Variants in PPP1R9A observed in about 807,000 individuals in gnomAD.
The protein encoded by PPP1R9A is neurabin-1.
A neutral mutation model predicts 141.9 loss-of-function variants in PPP1R9A; 59 were observed. The ratio of observed to expected loss-of-function variants is 0.42; its 90% CI spans 0.34 to 0.52. PPP1R9A has a LOEUF of 0.52. Among genes scored for constraint, PPP1R9A ranks in the 20% least tolerant of loss-of-function variants. The pLI, the probability that PPP1R9A is intolerant of heterozygous loss-of-function variation, is 0.10. For missense variants in PPP1R9A, 1,444 were observed against 1,611.9 expected, an observed-to-expected ratio of 0.90 and a Z score of 1.78; for synonymous variants, 500 against 569.7, an observed-to-expected ratio of 0.88 and a Z score of 1.74.
intron 5 of PPP1R9A, among the ~76,000 whole-genome samples, chr7:95,194,981 G>A (rs989159206): frequency 2.6e-5 from 4 of 151,950 alleles, no homozygotes; most frequent in Admixed American, 2.0e-4. Flanking sequence ...AATTTATATG[G>A]AATTGCAGAG....
chr7:94,972,764 T>A (rs1334929474), intron 2 of PPP1R9A, among the ~76,000 whole-genome samples: 1 of 152,162 alleles, frequency 6.6e-6, no homozygotes, highest in Non-Finnish European at 1.5e-5. Flanking sequence ...TGAGAGCACC[T>A]GGAACATTTT....
At chr7:95,134,279 G>A (rs962163396) in intron 4 of PPP1R9A, among the ~76,000 whole-genome samples, 1 of 152,132 alleles carries the variant, frequency 6.6e-6, no homozygotes, top group African/African-American at 2.4e-5. Flanking sequence ...GAGAATACAT[G>A]GACACAGGGA....
chr7:95,275,502 GT>G (rs1270540741), intron 16 of PPP1R9A, among the ~76,000 whole-genome samples: 1 of 152,072 alleles, frequency 6.6e-6, no homozygotes, highest in Non-Finnish European at 1.5e-5. Flanking sequence ...TTTGCCCAGG[GT>G]TATGCAGCAG....
intron 2 of PPP1R9A, among the ~76,000 whole-genome samples, chr7:95,091,153 G>C (rs1244418657): frequency 6.6e-6 from 1 of 151,528 alleles, no homozygotes; most frequent in East Asian, 1.9e-4. Context: ...AAGTAATGTT[G>C]TGATTAATGT....
Position 94,977,213 on chromosome 7 carries a change from C to T in PPP1R9A, c.1395+65705C>T, listed in dbSNP as rs539457805. Among the ~76,000 whole-genome samples the T allele has an allele frequency of 3.3e-5, 5 of 152,070 alleles. No individual in the cohort carries two copies. The East Asian group carries it at 7.7e-4, about 24-fold the overall frequency. On this transcript the variant is annotated intron_variant, in intron 2 of 19. Coordinates refer to ENST00000433360, the MANE Select transcript of PPP1R9A (RefSeq NM_001166160.2). The stretch of plus-strand genomic sequence containing the variant: ...TCGAAAGGCAGTTTAGGGGAGATGT[C>T]TGGGTTGAAGAGAAATTTGGCAGTT...
intron 5 of PPP1R9A, among the ~76,000 whole-genome samples, chr7:95,170,847 A>G (rs1052507627): frequency 1.3e-5 from 2 of 151,650 alleles, no homozygotes; most frequent in African/African-American, 4.8e-5. Flanking sequence ...TATTTAAAGG[A>G]TTATTAACTT....
At chr7:95,120,628 A>G (rs1051098842) in intron 3 of PPP1R9A, 84 bp from the exon 4 acceptor site, 1 of 1,420,050 alleles carries the variant, frequency 7.0e-7, no homozygotes. Context: ...AAAATTAGAA[A>G]CAGCAAGTAG....
intron 7 of PPP1R9A, chr7:95,214,384 T>C (rs546623610): frequency 1.4e-4 from 21 of 152,364 alleles, no homozygotes; most frequent in African/African-American, 4.8e-4. Context: ...CCTCAGGTCC[T>C]CACTGGCTGT....
intron 2 of PPP1R9A, among the ~76,000 whole-genome samples, chr7:95,049,842 G>A (rs1810543782): frequency 1.3e-5 from 2 of 152,020 alleles, no homozygotes; most frequent in South Asian, 4.1e-4. Flanking sequence ...TCTTTTCATG[G>A]CTTGATAGAT....
chr7:95,181,775 T>A (rs1217406175), intron 5 of PPP1R9A, among the ~76,000 whole-genome samples: 2 of 138,632 alleles, frequency 1.4e-5, no homozygotes, highest in East Asian at 4.1e-4. Flanking sequence ...ATATATATAT[T>A]CCGTCACATA....
At chr7:95,207,785 T>G (rs984601969) in intron 7 of PPP1R9A, among the ~76,000 whole-genome samples, 9 of 152,192 alleles carry the variant, frequency 5.9e-5, no homozygotes, top group Admixed American at 1.3e-4. Flanking sequence ...CTTTGCTGAA[T>G]ACATAATTAA....
At chr7:95,019,627 G>T (rs946868965) in intron 2 of PPP1R9A, among the ~76,000 whole-genome samples, 3 of 152,012 alleles carry the variant, frequency 2.0e-5, no homozygotes, top group Non-Finnish European at 4.4e-5. Flanking sequence ...GAAAATACAT[G>T]AATAATCGAT....
intron 2 of PPP1R9A, among the ~76,000 whole-genome samples, chr7:94,982,286 G>GGT (rs1484952679): frequency 6.6e-6 from 1 of 152,026 alleles, no homozygotes; most frequent in Non-Finnish European, 1.5e-5. Flanking sequence ...AGTAAACATA[G>GGT]GTGTGCATGT....
rs1020803166 is a variant in PPP1R9A at position 95,286,270 on chromosome 7, G to A, written c.3674G>A (p.Gly1225Glu). 57 of 1,613,662 alleles carry A rather than the reference G, an allele frequency of 3.5e-5. No individual in the cohort carries two copies. Among genetic ancestry groups the A allele is most frequent in the Non-Finnish European group, 4.7e-5 (56 of 1,179,738 alleles). Reference sequence around the variant, plus strand: ...AGTTCAGCAGACCTCAGCGGCTTAGGAGCAGAACCTAAAACACCAGGGCTC... The same window carrying A: ...AGTTCAGCAGACCTCAGCGGCTTAGAAGCAGAACCTAAAACACCAGGGCTC... ...STSSADLSGL[G>E]AEPKTPGLSQ... Residue 1225 changes from glycine (G) to glutamate (E), a missense_variant, in exon 18 of 20, where the codon GGA (glycine) becomes GAA (glutamate). Around this residue, in one of 5 missense-constraint regions of PPP1R9A, gnomAD observed 459 missense variants for 513.8 expected, o/e 0.89. Coordinates refer to ENST00000433360, the MANE Select transcript of PPP1R9A (RefSeq NM_001166160.2).
At chr7:95,253,994 A>G (rs1799243128) in intron 12 of PPP1R9A, among the ~76,000 whole-genome samples, 1 of 152,118 alleles carries the variant, frequency 6.6e-6, no homozygotes. Context: ...ATTAAATTAT[A>G]TGACTACAGA....
intron 14 of PPP1R9A, among the ~76,000 whole-genome samples, chr7:95,270,480 C>CAT (rs1344326175): frequency 1.3e-5 from 2 of 151,970 alleles, no homozygotes; most frequent in Admixed American, 1.3e-4. Flanking sequence ...ATCTGAGGGA[C>CAT]ATCAGTGGAA....
At chr7:95,060,532 TA>T (rs1328413631) in intron 2 of PPP1R9A, among the ~76,000 whole-genome samples, 1 of 152,184 alleles carries the variant, frequency 6.6e-6, no homozygotes, top group African/African-American at 2.4e-5. Context: ...AGTAGGACTG[TA>T]AACTGAGGTC....
Position 95,198,385 on chromosome 7 carries a change from C to T in PPP1R9A, c.1791C>T (p.Ser597=), listed in dbSNP as rs2152857324. The change falls in exon 6 of 20, where the codon AGC becomes AGT. Residue 597 remains serine (S), a synonymous_variant. Coordinates refer to ENST00000433360, the MANE Select transcript of PPP1R9A (RefSeq NM_001166160.2). ...VIGREKPGQV[S]EVAQLISQTL... Reference sequence around the variant, plus strand: ...GGCGGGAAAAACCAGGACAAGTGAGCGAGGTTGCCCAGTTGATAAGCCAGA... The same window carrying T: ...GGCGGGAAAAACCAGGACAAGTGAGTGAGGTTGCCCAGTTGATAAGCCAGA... 4 of 1,611,880 alleles carry T rather than the reference C, an allele frequency of 2.5e-6. No homozygotes were observed. The highest frequency in any genetic ancestry group is 1.1e-5 in the South Asian group (1 of 90,722).
chr7:94,968,577 C>T (rs1210094695), intron 2 of PPP1R9A, among the ~76,000 whole-genome samples: 1 of 152,124 alleles, frequency 6.6e-6, no homozygotes, highest in African/African-American at 2.4e-5. Flanking sequence ...TATTTTGAGC[C>T]TATGTGTGTC....
Sources: allele counts gnomAD v4.1 joint callset (sites outside exome capture counted in the v4.1 genomes callset), GRCh38; gene constraint gnomAD v4.1.1; regional missense constraint gnomAD v4.1.1; transcripts MANE v1.5; gene names NCBI Gene and HGNC (gene_info 2026-07-23, HGNC 2026-07-21).